CNNM2: variants seen among roughly 807,000 people sequenced by gnomAD.
The protein encoded by CNNM2 is cyclin and CBS domain divalent metal cation transport mediator 2, also known as metal transporter CNNM2.
Under a neutral mutation model 66.9 loss-of-function variants are expected in CNNM2, and 12 were observed. That is an observed-to-expected ratio of 0.18 (90% CI 0.11 to 0.29). The LOEUF (loss-of-function observed/expected upper bound fraction) is 0.29, where lower values mean the gene tolerates loss of function less well. Among genes scored for constraint, CNNM2 ranks in the 10% least tolerant of loss-of-function variants. The pLI is 1.00. For synonymous variants in CNNM2, 557 were observed against 501.8 expected, an observed-to-expected ratio of 1.11 and a Z score of -1.47; for missense variants, 705 against 1,167.7, an observed-to-expected ratio of 0.60 and a Z score of 5.77.
intron 1 of CNNM2, among the ~76,000 whole-genome samples, chr10:103,001,591 A>C (rs1564840077): frequency 6.6e-6 from 1 of 152,198 alleles, no homozygotes; most frequent in Admixed American, 6.5e-5. Flanking sequence ...TCTTTTCAAC[A>C]AAACAGTGTG....
intron 1 of CNNM2, among the ~76,000 whole-genome samples, chr10:102,977,086 A>ATTT (rs1459372465): frequency 6.6e-6 from 1 of 152,200 alleles, no homozygotes; most frequent in Non-Finnish European, 1.5e-5. Context: ...TAGAAAAGAC[A>ATTT]TTAACATCTG....
rs1429735577 is a variant in CNNM2 at position 103,084,372 on chromosome 10, C to T, written c.*7192C>T. On this transcript the variant is annotated 3_prime_UTR_variant, in exon 8 of 8. Transcript: ENST00000369878. ...CCTGACCTAACTACCGCTCCCATCT[C>T]CCCAGGTATCGCCCAACTACCTGAA... The T allele has an allele frequency of 6.6e-6, 1 of 152,184 alleles. No homozygotes were observed. The highest frequency in any genetic ancestry group is 2.4e-5 in the African/African-American group (1 of 41,444). 9.4% of individuals were successfully genotyped at this position (152,184 alleles called of 1,614,324 possible). A position where few individuals can be genotyped will look rare whatever the true frequency, so the allele number is the denominator to read the frequency against.
chr10:103,004,275 T>G (rs564806814), intron 1 of CNNM2, among the ~76,000 whole-genome samples: 1 of 152,338 alleles, frequency 6.6e-6, no homozygotes, highest in East Asian at 1.9e-4. Context: ...AGTGCTGGAT[T>G]ACAGGCGTGA....
intron 1 of CNNM2, among the ~76,000 whole-genome samples, chr10:103,042,928 T>A (rs903786793): frequency 1.3e-5 from 2 of 152,206 alleles, no homozygotes; most frequent in Admixed American, 6.5e-5. Flanking sequence ...TCTATAGAAC[T>A]CCCTTTTTGC....
rs2065825946 is a variant in CNNM2 at position 103,087,120 on chromosome 10, A to G, written c.*9940A>G. 2 of 139,602 alleles carry G rather than the reference A, an allele frequency of 1.4e-5. No individual in the cohort carries two copies. Among genetic ancestry groups the G allele is most frequent in the Non-Finnish European group, 3.1e-5 (2 of 65,396 alleles). 8.6% of individuals were successfully genotyped at this position (139,602 alleles called of 1,614,324 possible). ...AAAGAAGTGGCAGAATGGTCTTCTC[A>G]CGGTATAAAACTCCGCAGGATTTTT... On this transcript the variant is annotated 3_prime_UTR_variant, in exon 8 of 8. Coordinates refer to ENST00000369878, the MANE Select transcript of CNNM2 (RefSeq NM_017649.5).
intron 1 of CNNM2, among the ~76,000 whole-genome samples, chr10:103,014,296 C>T (rs979468731): frequency 6.6e-6 from 1 of 152,338 alleles, no homozygotes; most frequent in South Asian, 2.1e-4. Flanking sequence ...ATCAGTGATA[C>T]TAACGATGGT....
intron 1 of CNNM2, among the ~76,000 whole-genome samples, chr10:103,042,389 TC>T (rs1390870663): frequency 2.0e-5 from 3 of 152,160 alleles, no homozygotes; most frequent in African/African-American, 7.2e-5. Flanking sequence ...TCCCTGGCCA[TC>T]CTGTGTTAAA....
intron 1 of CNNM2, among the ~76,000 whole-genome samples, chr10:102,980,341 A>G (rs1463278680): frequency 1.4e-5 from 2 of 147,994 alleles, no homozygotes; most frequent in Non-Finnish European, 3.0e-5. Flanking sequence ...TTTTTTTCAT[A>G]GCTCACTGCA....
chr10:103,068,374 T>G, intron 4 of CNNM2: 1 of 398,636 alleles, frequency 2.5e-6, no homozygotes, highest in East Asian at 4.3e-5. Context: ...TTTTAAGTTT[T>G]TAATTTAAGA....
In CNNM2 at chr10:102,972,588, A is replaced by G. The variant is rs537143143; in HGVS notation, c.1621+52487A>G. Among the ~76,000 whole-genome samples the G allele has an allele frequency of 4.3e-4, 65 of 152,344 alleles. 1 individual carries two copies. In the South Asian group the frequency reaches 6.8e-3, roughly 16 times the overall value. On this transcript the variant is annotated intron_variant, in intron 1 of 7. Transcript: ENST00000369878. Reference sequence around the variant, plus strand: ...GCGGCGGAGCTTGCAGTGAGCTGAGATCGCGCCTCTGCACTCCAGCCTGGG... The same window carrying G: ...GCGGCGGAGCTTGCAGTGAGCTGAGGTCGCGCCTCTGCACTCCAGCCTGGG...
At chr10:103,070,551 A>G (rs1002323822) in intron 5 of CNNM2, among the ~76,000 whole-genome samples, 15 of 152,190 alleles carry the variant, frequency 9.9e-5, no homozygotes, top group Admixed American at 8.5e-4. Context: ...TTGAAAATAA[A>G]CTAGGAGTGG....
chr10:103,063,025 C>T (rs1187035243), intron 4 of CNNM2, among the ~76,000 whole-genome samples: 1 of 152,222 alleles, frequency 6.6e-6, no homozygotes, highest in Non-Finnish European at 1.5e-5. Context: ...AGCTGTGATG[C>T]TCCAAGTAAT....
chr10:103,007,045 C>T (rs924293480), intron 1 of CNNM2, among the ~76,000 whole-genome samples: 5 of 152,178 alleles, frequency 3.3e-5, no homozygotes, highest in Admixed American at 1.3e-4. Flanking sequence ...CCCTAAGTGT[C>T]GGCTGATCTG....
At chr10:103,000,479 G>A (rs1021286180) in intron 1 of CNNM2, among the ~76,000 whole-genome samples, 2 of 151,194 alleles carry the variant, frequency 1.3e-5, no homozygotes, top group South Asian at 2.1e-4. Flanking sequence ...TTTGAGACAC[G>A]ATCTCACCGT....
At chr10:102,927,752 C>CA (rs564326128) in intron 1 of CNNM2, 266 of 225,200 alleles carry the variant, frequency 1.2e-3, no homozygotes, top group East Asian at 2.0e-3. Flanking sequence ...GACTCTGTCT[C>CA]AAAAAAAAAG....
At position 102,951,601 on chromosome 10, in the gene CNNM2, T is replaced by C. The variant is rs940961020; in HGVS notation, c.1621+31500T>C. Among the ~76,000 whole-genome samples the C allele has an allele frequency of 2.0e-5, 3 of 152,014 alleles. No homozygotes were observed. In the South Asian group the frequency reaches 6.2e-4, roughly 32 times the overall value. On this transcript the variant is annotated intron_variant, in intron 1 of 7. Coordinates refer to ENST00000369878, the MANE Select transcript of CNNM2 (RefSeq NM_017649.5). ...GAATCTACCTTTATTTTGCTGTGTG[T>C]TTTATGGTTGTCTAAAAATTTTAGA...
chr10:103,055,370 G>A (rs538693378), intron 3 of CNNM2, among the ~76,000 whole-genome samples: 4 of 152,364 alleles, frequency 2.6e-5, no homozygotes, highest in South Asian at 2.1e-4. Context: ...CTTTAAGGTC[G>A]TGTTCTCAGA....
chr10:103,089,987 G>A lies in CNNM2; in HGVS notation c.*12807G>A. ...CCCCAAATCCTAACCCCTCTCCTCT[G>A]TTAGGTGGCCATGCAATTACATCTA... On this transcript the variant is annotated 3_prime_UTR_variant, in exon 8 of 8. Transcript: ENST00000369878. The A allele has an allele frequency of 1.7e-6, 2 of 1,159,220 alleles. No individual in the cohort carries two copies. Among genetic ancestry groups the A allele is most frequent in the South Asian group, 3.2e-5 (2 of 62,814 alleles). The allele number at this position is 1,159,220 out of a possible 1,614,324, so 71.8% of individuals were successfully genotyped here.
At chr10:102,969,736 T>C (rs1404036844) in intron 1 of CNNM2, among the ~76,000 whole-genome samples, 1 of 150,390 alleles carries the variant, frequency 6.6e-6, no homozygotes, top group Non-Finnish European at 1.5e-5. Flanking sequence ...CCTCTGCCTC[T>C]GGGTTCAAGT....
Sources: gnomAD v4.1 joint callset for allele counts (sites outside exome capture counted in the v4.1 genomes callset) on GRCh38, gnomAD v4.1.1 for gene constraint, MANE v1.5 for transcripts, NCBI Gene and HGNC (gene_info 2026-07-23, HGNC 2026-07-21) for gene names.